The following TBX15 variants were observed in gnomAD, a reference collection of about 807,000 sequenced individuals.
TBX15 encodes T-box transcription factor 15, also known as T-box transcription factor TBX15.
TBX15 carries 18 observed loss-of-function variants against 53.9 expected under a neutral mutation model. The observed-to-expected ratio is 0.33, with a 90% confidence interval of 0.23 to 0.49. The LOEUF (loss-of-function observed/expected upper bound fraction) is 0.49, where lower values mean the gene tolerates loss of function less well. Among genes scored for constraint, TBX15 ranks in the 20% least tolerant of loss-of-function variants. The probability of loss-of-function intolerance (pLI) is 0.98; values close to 1 mark genes in which losing one functional copy is unlikely to be tolerated. For synonymous variants in TBX15, 295 were observed against 278.0 expected (o/e 1.06, Z -0.61); for missense variants, 692 against 749.5 (o/e 0.92, Z 0.90).
At chr1:118,984,457 C>G (rs944801360) in intron 1 of TBX15, among the ~76,000 whole-genome samples, 37 of 152,390 alleles carry the variant, frequency 2.4e-4, no homozygotes, top group African/African-American at 8.7e-4. Flanking sequence ...GGAGCAGGGG[C>G]TGAGGTCCGA....
chr1:118,986,295 C>T (rs1657834443), intron 1 of TBX15, among the ~76,000 whole-genome samples: 1 of 152,216 alleles, frequency 6.6e-6, no homozygotes, highest in Non-Finnish European at 1.5e-5. Context: ...TGGACAAGCA[C>T]TTGCATTCAA....
In TBX15 at chr1:118,977,717, C is replaced by T. The variant is rs143673646; in HGVS notation, c.205+9874G>A. 3.4e-3 allele frequency among the ~76,000 whole-genome samples: 517 copies of T among 152,306 alleles called. 2 individuals carry two copies. The highest frequency in any genetic ancestry group is 0.012 in the African/African-American group (492 of 41,558). ...GGGCACAGTTTTGCATCTGACCCTG[C>T]CCTCAAGTTCAGCAGCTATGAATAG... On this transcript the variant is annotated intron_variant, in intron 1 of 7. Transcript: ENST00000369429.
At chr1:118,906,051 T>G (rs889171998) in intron 6 of TBX15, among the ~76,000 whole-genome samples, 1 of 152,150 alleles carries the variant, frequency 6.6e-6, no homozygotes, top group Non-Finnish European at 1.5e-5. Context: ...AAATGGGAAA[T>G]AGTGCATTGA....
chr1:118,983,610 A>G (rs1657717536), intron 1 of TBX15, among the ~76,000 whole-genome samples: 1 of 152,192 alleles, frequency 6.6e-6, no homozygotes, highest in South Asian at 2.1e-4. Context: ...ACCTCCGTGG[A>G]AGACCGTTTT....
At chr1:118,939,428 A>AAAAAAAAAAAAAAAAAAAAAAG (rs1656084868) in intron 1 of TBX15, among the ~76,000 whole-genome samples, 1 of 101,468 alleles carries the variant, frequency 9.9e-6, no homozygotes, top group Non-Finnish European at 2.0e-5. Context: ...AAAAAAAAAA[A>AAAAAAAAAAAAAAAAAAAAAAG]AAAAAAAACA....
chr1:118,979,649 C>T (rs937486596), intron 1 of TBX15, among the ~76,000 whole-genome samples: 1 of 152,192 alleles, frequency 6.6e-6, no homozygotes, highest in African/African-American at 2.4e-5. Flanking sequence ...TTGTTTTGGT[C>T]TGTTCTGTTT....
intron 1 of TBX15, among the ~76,000 whole-genome samples, chr1:118,983,364 C>T (rs1194468985): frequency 6.6e-6 from 1 of 152,198 alleles, no homozygotes; most frequent in Non-Finnish European, 1.5e-5. Flanking sequence ...TTCTATTGTG[C>T]CACCGCGCCG....
At position 118,924,814 on chromosome 1, in the gene TBX15, A is replaced by G. The variant is rs1455250308; in HGVS notation, c.525T>C (p.Tyr175=). 3.1e-6 allele frequency: 5 copies of G among 1,613,896 alleles called. No individual in the cohort carries two copies. The highest frequency in any genetic ancestry group is 4.2e-6 in the Non-Finnish European group (5 of 1,179,960). ...IVPVDNKRYR[Y]VYHSSKWMVA... ...CCATCCACTTGGAGCTATGATACAC[A>G]TATCTGAGATAAAGAGGAAGAGAGG... Residue 175 remains tyrosine, a synonymous_variant, in exon 4 of 8, where the codon TAT becomes TAC. Transcript: ENST00000369429.
At chr1:118,911,166 A>G (rs1458040038) in intron 6 of TBX15, among the ~76,000 whole-genome samples, 2 of 152,210 alleles carry the variant, frequency 1.3e-5, no homozygotes, top group Non-Finnish European at 2.9e-5. Flanking sequence ...ACTTTGTGAC[A>G]GTAGGAAAAC....
At chr1:118,925,961 C>CT (rs1298725410) in intron 3 of TBX15, among the ~76,000 whole-genome samples, 2 of 151,796 alleles carry the variant, frequency 1.3e-5, no homozygotes, top group African/African-American at 4.8e-5. Flanking sequence ...GACATGGAGA[C>CT]TATGTTGGCT....
intron 1 of TBX15, among the ~76,000 whole-genome samples, chr1:118,978,536 G>A (rs12128193): frequency 0.11 from 16,573 of 151,998 alleles, 969 homozygotes; most frequent in Non-Finnish European, 0.13. Context: ...AATATGTCTG[G>A]TTTTAAAACA....
chr1:118,934,347 C>T (rs962261759), intron 1 of TBX15, among the ~76,000 whole-genome samples: 1 of 151,994 alleles, frequency 6.6e-6, no homozygotes, highest in Admixed American at 6.6e-5. Flanking sequence ...GGGAAAAGAC[C>T]GGGGGCTCAG....
intron 1 of TBX15, among the ~76,000 whole-genome samples, chr1:118,986,279 T>C (rs1057137313): frequency 9.9e-5 from 15 of 152,026 alleles, no homozygotes; most frequent in African/African-American, 3.1e-4. Context: ...CACGCAGGGG[T>C]CCGCGTGGAC....
chr1:118,893,340 G>GAAA lies in TBX15; in HGVS notation c.1024+5687_1024+5688insTTT, dbSNP rs1368635508. The stretch of plus-strand genomic sequence containing the variant: ...AAAGAAAGAAAGAAGAAAGAAGGAA[G>GAAA]GAAGGAAGGAAGGAAGGAAAGAAAG... On this transcript the variant is annotated intron_variant, in intron 7 of 7. Coordinates refer to ENST00000369429, the MANE Select transcript of TBX15 (RefSeq NM_001330677.2). Among the ~76,000 whole-genome samples, 17 of 51,858 alleles carry GAAA rather than the reference G, an allele frequency of 3.3e-4. 1 individual carries two copies. The highest frequency in any genetic ancestry group is 1.8e-3 in the African/African-American group (14 of 7,714). 34.0% of individuals were successfully genotyped at this position (51,858 alleles called of 152,430 possible).
At chr1:118,933,860 T>G (rs1361859776) in intron 1 of TBX15, among the ~76,000 whole-genome samples, 2 of 152,146 alleles carry the variant, frequency 1.3e-5, no homozygotes, top group Non-Finnish European at 2.9e-5. Context: ...AGTTACAAAA[T>G]TCACCATAAA....
chr1:118,901,960 G>A (rs1016062034), intron 6 of TBX15, among the ~76,000 whole-genome samples: 1 of 152,096 alleles, frequency 6.6e-6, no homozygotes, highest in East Asian at 1.9e-4. Context: ...TAGTGGAATT[G>A]TGTGGGGAGG....
At chr1:118,886,761 C>T (rs999037507) in intron 7 of TBX15, among the ~76,000 whole-genome samples, 1 of 152,174 alleles carries the variant, frequency 6.6e-6, no homozygotes, top group African/African-American at 2.4e-5. Context: ...TTCTGTAAGT[C>T]TGGGGTGGGG....
intron 1 of TBX15, among the ~76,000 whole-genome samples, chr1:118,975,282 A>G (rs553950687): frequency 1.4e-4 from 22 of 152,230 alleles, no homozygotes; most frequent in Non-Finnish European, 2.6e-4. Context: ...TATCACTGCC[A>G]CAAAAAGACC....
intron 7 of TBX15, among the ~76,000 whole-genome samples, chr1:118,889,792 G>C (rs1355338600): frequency 2.5e-5 from 3 of 120,058 alleles, no homozygotes; most frequent in African/African-American, 1.0e-4. Context: ...CTGGCACATA[G>C]GCATTAATTT....
Sources: gnomAD v4.1 joint callset for allele counts (sites outside exome capture counted in the v4.1 genomes callset) on GRCh38, gnomAD v4.1.1 for gene constraint, MANE v1.5 for transcripts, NCBI Gene and HGNC (gene_info 2026-07-23, HGNC 2026-07-21) for gene names.